The following MGAT5 variants were observed in gnomAD, a reference collection of about 807,000 sequenced individuals.
The protein encoded by MGAT5 is alpha-1,6-mannosylglycoprotein 6-beta-N-acetylglucosaminyltransferase A.
In MGAT5, 30 loss-of-function variants were observed where a neutral mutation model predicts 94.3. The ratio of observed to expected loss-of-function variants is 0.32; its 90% confidence interval spans 0.24 to 0.43. The LOEUF (loss-of-function observed/expected upper bound fraction) is 0.43. MGAT5 is among the 20% of genes least tolerant of loss of function. The pLI is 1.00. For synonymous variants in MGAT5, 310 were observed against 322.9 expected (o/e 0.96, Z 0.43); for missense variants, 691 against 905.5 (o/e 0.76, Z 3.04).
At chr2:134,192,208 C>G (rs1679258658) in intron 1 of MGAT5, among the ~76,000 whole-genome samples, 1 of 151,888 alleles carries the variant, frequency 6.6e-6, no homozygotes, top group Admixed American at 6.6e-5. Flanking sequence ...CTTCTGCTTG[C>G]GCGAGCGGGT....
At chr2:134,312,525 G>C (rs1686738728) in intron 2 of MGAT5, among the ~76,000 whole-genome samples, 1 of 152,148 alleles carries the variant, frequency 6.6e-6, no homozygotes, top group Admixed American at 6.5e-5. Flanking sequence ...TCTGGAACTT[G>C]GGCACTCCAT....
At chr2:134,257,043 C>T (rs547693744) in intron 1 of MGAT5, among the ~76,000 whole-genome samples, 1 of 152,270 alleles carries the variant, frequency 6.6e-6, no homozygotes, top group Admixed American at 6.5e-5. Context: ...ATTTCAGCAG[C>T]ATCTCAGGGG....
chr2:134,169,409 C>G (rs1032308682), intron 1 of MGAT5, among the ~76,000 whole-genome samples: 11 of 117,814 alleles, frequency 9.3e-5, no homozygotes, highest in South Asian at 2.6e-4. Flanking sequence ...CACACACACA[C>G]ACAGACACAC....
intron 1 of MGAT5, among the ~76,000 whole-genome samples, chr2:134,236,658 A>G (rs1180179990): frequency 6.6e-6 from 1 of 152,086 alleles, no homozygotes; most frequent in Non-Finnish European, 1.5e-5. Flanking sequence ...TCTTTCCTTT[A>G]TAAATTACCC....
At chr2:134,242,939 G>T (rs1021774191) in intron 1 of MGAT5, among the ~76,000 whole-genome samples, 2 of 151,826 alleles carry the variant, frequency 1.3e-5, no homozygotes, top group African/African-American at 4.8e-5. Flanking sequence ...CTCAGGCAGG[G>T]CATTGGCCTA....
chr2:134,135,174 A>G (rs543186840), intron 1 of MGAT5, among the ~76,000 whole-genome samples: 7 of 152,282 alleles, frequency 4.6e-5, no homozygotes, highest in South Asian at 2.1e-4. Context: ...TTTTCTGTCA[A>G]TCTTAGGACA....
At chr2:134,431,027 G>A (rs1180740315) in intron 14 of MGAT5, among the ~76,000 whole-genome samples, 1 of 152,196 alleles carries the variant, frequency 6.6e-6, no homozygotes, top group Admixed American at 6.5e-5. Context: ...CAGGAGGTGA[G>A]TCCTGAAGGC....
intron 1 of MGAT5, among the ~76,000 whole-genome samples, chr2:134,174,557 A>G (rs997492626): frequency 1.3e-5 from 2 of 152,280 alleles, no homozygotes; most frequent in African/African-American, 2.4e-5. Context: ...AGACATTGAA[A>G]TGTGTTAATC....
In MGAT5 at chr2:134,302,041, T is replaced by TA. The variant is rs577894825; in HGVS notation, c.407-15487dup. 3.9e-5 allele frequency among the ~76,000 whole-genome samples: 6 copies of TA among 152,346 alleles called. No individual in the cohort carries two copies. The South Asian group carries it at 8.3e-4, about 21-fold the overall frequency. ...ACTTCTTATGTAAAGCCGGACTTTTTATGTCAGCCAAGTATTAAATATTTT... is the reference window on the plus strand; with the variant it reads ...ACTTCTTATGTAAAGCCGGACTTTTTAATGTCAGCCAAGTATTAAATATTTT... On this transcript the variant is annotated intron_variant, in intron 2 of 15. Transcript: ENST00000281923.
At chr2:134,218,498 G>C (rs1166849075) in intron 1 of MGAT5, among the ~76,000 whole-genome samples, 1 of 152,150 alleles carries the variant, frequency 6.6e-6, no homozygotes, top group Non-Finnish European at 1.5e-5. Flanking sequence ...GCTGGTCTCA[G>C]CTGGGCTTTC....
At chr2:134,368,014 G>A (rs1680541749) in intron 10 of MGAT5, among the ~76,000 whole-genome samples, 2 of 140,428 alleles carry the variant, frequency 1.4e-5, no homozygotes, top group Admixed American at 1.4e-4. Flanking sequence ...GCTCAAGGAG[G>A]GGGAGTGACA....
chr2:134,286,306 T>A (rs1049204824), intron 2 of MGAT5, among the ~76,000 whole-genome samples: 3 of 152,314 alleles, frequency 2.0e-5, no homozygotes, highest in African/African-American at 7.2e-5. Flanking sequence ...CCAAAGCCCC[T>A]TTTCCCCTTT....
chr2:134,190,811 A>G (rs1689332728), intron 1 of MGAT5, among the ~76,000 whole-genome samples: 2 of 151,724 alleles, frequency 1.3e-5, no homozygotes, highest in Admixed American at 1.3e-4. Flanking sequence ...ATGGCTGGCT[A>G]ATTTATGTAT....
chr2:134,316,991 A>G (rs576713007), intron 2 of MGAT5, among the ~76,000 whole-genome samples: 20 of 152,326 alleles, frequency 1.3e-4, no homozygotes, highest in African/African-American at 4.6e-4. Context: ...AAGAAGCTGT[A>G]TCCCATGGAT....
At position 134,421,784 on chromosome 2, in the gene MGAT5, G is replaced by A. The variant is rs566560756; in HGVS notation, c.1678-1019G>A. 1.4e-4 allele frequency among the ~76,000 whole-genome samples: 22 copies of A among 152,232 alleles called. No homozygotes were observed. In the East Asian group the frequency reaches 3.1e-3, roughly 21 times the overall value. ...ATGGTAGCTGAAAATGCTCTCACAC[G>A]TGGCTAGAATGCTCCCTTTACAACA... On this transcript the variant is annotated intron_variant, in intron 12 of 15. Coordinates refer to ENST00000281923, the MANE Select transcript of MGAT5 (RefSeq NM_002410.5).
chr2:134,448,169 C>T lies in MGAT5; in HGVS notation c.2028-480C>T, dbSNP rs935728719. ...CATTGCTAAGGCATTAGCACATAGC[C>T]GTCTCGACTTGCAGCCTTCACCTCC... On this transcript the variant is annotated intron_variant, in intron 15 of 15. Coordinates refer to ENST00000281923, the MANE Select transcript of MGAT5 (RefSeq NM_002410.5). Among the ~76,000 whole-genome samples the T allele has an allele frequency of 3.9e-5, 6 of 152,352 alleles. No homozygotes were observed. In the East Asian group the frequency reaches 7.7e-4, roughly 20 times the overall value.
At chr2:134,278,682 A>G (rs1684522152) in intron 2 of MGAT5, among the ~76,000 whole-genome samples, 1 of 152,212 alleles carries the variant, frequency 6.6e-6, no homozygotes, top group South Asian at 2.1e-4. Flanking sequence ...AAGCCTCAGG[A>G]CTGCTAAATT....
Position 134,338,420 on chromosome 2 carries a change from A to G in MGAT5, c.807A>G (p.Lys269=). ...KQNLEKRKRK[K]VLVHLGLLTK... ...ACCTTGAAAAGAGAAAGCGGAAGAAAGTGAGTTTCTTATTAATTCAGTGCA... is the reference window on the plus strand; with the variant it reads ...ACCTTGAAAAGAGAAAGCGGAAGAAGGTGAGTTTCTTATTAATTCAGTGCA... The change falls in exon 6 of 16, where the codon AAA becomes AAG. Residue 269 remains lysine, a splice_region_variant and synonymous_variant. Coordinates refer to ENST00000281923, the MANE Select transcript of MGAT5 (RefSeq NM_002410.5). 3.8e-6 allele frequency: 6 copies of G among 1,596,814 alleles called. No homozygotes were observed. Among genetic ancestry groups the G allele is most frequent in the Non-Finnish European group, 5.1e-6 (6 of 1,174,402 alleles).
chr2:134,313,118 G>A (rs1036651337), intron 2 of MGAT5, among the ~76,000 whole-genome samples: 4 of 148,114 alleles, frequency 2.7e-5, no homozygotes, highest in Non-Finnish European at 5.9e-5. Context: ...ATATTTCTTT[G>A]TCCCTTTCGC....
Sources: gnomAD v4.1 joint callset for allele counts (sites outside exome capture counted in the v4.1 genomes callset) on GRCh38, gnomAD v4.1.1 for gene constraint, MANE v1.5 for transcripts, NCBI Gene and HGNC (gene_info 2026-07-23, HGNC 2026-07-21) for gene names.